The following INTS6 variants were observed in gnomAD, a reference collection of about 807,000 sequenced individuals.
INTS6 encodes the protein integrator complex subunit 6.
Under a neutral mutation model 104.9 loss-of-function variants are expected in INTS6, and 16 were observed. That is an observed-to-expected ratio of 0.15 (90% confidence interval 0.10 to 0.23). The LOEUF (loss-of-function observed/expected upper bound fraction) is 0.23. Ranked by LOEUF, INTS6 falls within the 10% of genes least tolerant of loss-of-function variation. INTS6 has a pLI of 1.00. For missense variants in INTS6, 584 were observed against 1,062.8 expected (o/e 0.55, Z 6.26); for synonymous variants, 324 against 358.7 (o/e 0.90, Z 1.09).
chr13:51,445,202 A>G (rs909748615), intron 3 of INTS6: 3 of 152,196 alleles, frequency 2.0e-5, no homozygotes, highest in African/African-American at 7.2e-5. Context: ...CTTATCTGCT[A>G]AATTATTTAA....
intron 3 of INTS6, chr13:51,446,197 T>C (rs1206146319): frequency 6.6e-6 from 1 of 152,078 alleles, no homozygotes; most frequent in Non-Finnish European, 1.5e-5. Flanking sequence ...CCAGAAAATA[T>C]AAAGAAATCC....
In INTS6 at chr13:51,365,002, T is replaced by C. The variant is rs1370541038; in HGVS notation, c.*750A>G. The C allele has an allele frequency of 6.6e-6, 1 of 152,524 alleles. No homozygotes were observed. The highest frequency in any genetic ancestry group is 2.4e-5 in the African/African-American group (1 of 41,440). The allele number at this position is 152,524 out of a possible 1,614,324, so 9.4% of individuals were successfully genotyped here. A position where few individuals can be genotyped will look rare whatever the true frequency, so the allele number is the denominator to read the frequency against. Reference sequence around the variant, plus strand: ...CCCATACAAAGTCATTCCCATAATCTAGGCAGAAATGGGAGTATGTTGGCA... The same window carrying C: ...CCCATACAAAGTCATTCCCATAATCCAGGCAGAAATGGGAGTATGTTGGCA... On this transcript the variant is annotated 3_prime_UTR_variant, in exon 18 of 18. Coordinates refer to ENST00000311234, the MANE Select transcript of INTS6 (RefSeq NM_012141.3).
chr13:51,349,935 T>A (rs1408312607), downstream of INTS6, among the ~76,000 whole-genome samples: 1 of 152,218 alleles, frequency 6.6e-6, no homozygotes, highest in East Asian at 1.9e-4. Flanking sequence ...TGTTTGTTTT[T>A]AAGCTAGCTT....
At chr13:51,426,533 A>G (rs1229847821) in intron 4 of INTS6, among the ~76,000 whole-genome samples, 2 of 152,044 alleles carry the variant, frequency 1.3e-5, no homozygotes, top group Admixed American at 6.6e-5. Flanking sequence ...ACGAAAGGTA[A>G]TATTAACCCT....
chr13:51,383,530 CAGCTTTTTA>C, intron 8 of INTS6, 50 bp downstream of exon 8: 6 of 1,603,140 alleles, frequency 3.7e-6, no homozygotes, highest in Non-Finnish European at 5.1e-6. Context: ...TGATTCAATT[CAGCTTTTTA>C]AGAAATGCCT....
At chr13:51,342,188 A>C in the INTS6 span, among the ~76,000 whole-genome samples, 1 of 151,016 alleles carries the variant, frequency 6.6e-6, no homozygotes, top group Non-Finnish European at 1.5e-5. Context: ...CAAAAAAAAA[A>C]AAAAAAAAAA....
Position 51,383,279 on chromosome 13 carries a change from G to C in INTS6, c.1180+50C>G, listed in dbSNP as rs770922865. Reference sequence around the variant, plus strand: ...AAAAACTACAAAGAAATGCGCTTTAGGAGAACTTTTATATGCTAAGCCAAG... The same window carrying C: ...AAAAACTACAAAGAAATGCGCTTTACGAGAACTTTTATATGCTAAGCCAAG... On this transcript the variant is annotated intron_variant, in intron 9 of 17. Transcript: ENST00000311234. 3.3e-6 allele frequency: 5 copies of C among 1,495,008 alleles called. No homozygotes were observed. In the Admixed American group the frequency reaches 8.8e-5, roughly 26 times the overall value. 92.6% of individuals were successfully genotyped at this position (1,495,008 alleles called of 1,614,324 possible). A position where few individuals can be genotyped will look rare whatever the true frequency, so the allele number is the denominator to read the frequency against.
At chr13:51,427,792 T>C (rs1957010572) in intron 4 of INTS6, among the ~76,000 whole-genome samples, 1 of 152,338 alleles carries the variant, frequency 6.6e-6, no homozygotes, top group Admixed American at 6.5e-5. Context: ...TTTAAAAATA[T>C]AGGCTCTGTT....
At chr13:51,410,778 C>G (rs1184164525) in intron 4 of INTS6, among the ~76,000 whole-genome samples, 1 of 152,040 alleles carries the variant, frequency 6.6e-6, no homozygotes, top group Non-Finnish European at 1.5e-5. Context: ...ATTTGAAAAA[C>G]ATATATCTAA....
In INTS6 at chr13:51,452,605, C is replaced by A; in HGVS notation, c.-80G>T. ...AGGTGGAGGCGCCGGTGGCGGCGAC[C>A]GCCGCTACGCGGGGCGGGGGAGCAC... On this transcript the variant is annotated 5_prime_UTR_variant, in exon 1 of 18. Transcript: ENST00000311234. This position sits in a 1 kb window ranked among gnomAD's most constrained non-coding sequence, Gnocchi z 4.2. 6.4e-7 allele frequency: 1 copy of A among 1,552,994 alleles called. No individual in the cohort carries two copies. Among genetic ancestry groups the A allele is most frequent in the Non-Finnish European group, 8.7e-7 (1 of 1,147,270 alleles).
chr13:51,422,494 T>G (rs1238306711), intron 4 of INTS6, among the ~76,000 whole-genome samples: 1 of 152,154 alleles, frequency 6.6e-6, no homozygotes. Context: ...ACAAATCATC[T>G]TTGAAAACCT....
the INTS6 span, chr13:51,341,242 G>A: frequency 6.2e-7 from 1 of 1,614,014 alleles, no homozygotes; most frequent in Non-Finnish European, 8.5e-7. Context: ...GACGAACTTT[G>A]TCATCTCTCC....
At chr13:51,375,775 G>A (rs567507299) in intron 13 of INTS6, among the ~76,000 whole-genome samples, 277 of 152,124 alleles carry the variant, frequency 1.8e-3, no homozygotes, top group African/African-American at 4.9e-3. Context: ...GTGCGCGCGC[G>A]TGCGCGCATG....
intron 4 of INTS6, among the ~76,000 whole-genome samples, chr13:51,400,838 G>A (rs114510996): frequency 1.7e-4 from 26 of 152,130 alleles, no homozygotes; most frequent in African/African-American, 5.3e-4. Context: ...ACACTGAGTA[G>A]GGGAACAAGG....
At chr13:51,348,591 C>A in the INTS6 span, 2 of 592,952 alleles carry the variant, frequency 3.4e-6, no homozygotes, top group South Asian at 2.1e-5. Context: ...CATTTCAGAG[C>A]CACTGCTGGC....
chr13:51,334,577 G>T, the INTS6 span, among the ~76,000 whole-genome samples: 1 of 152,102 alleles, frequency 6.6e-6, no homozygotes, highest in Non-Finnish European at 1.5e-5. Flanking sequence ...TTTTTTTGAG[G>T]CGCTTAATAA....
At chr13:51,393,074 A>ATTTT (rs368682215) in intron 5 of INTS6, among the ~76,000 whole-genome samples, 9 of 139,430 alleles carry the variant, frequency 6.5e-5, no homozygotes, top group Admixed American at 2.2e-4. Flanking sequence ...AAACAACTAA[A>ATTTT]TTTTTTTTTT....
At chr13:51,334,611 G>C in the INTS6 span, among the ~76,000 whole-genome samples, 2 of 152,076 alleles carry the variant, frequency 1.3e-5, no homozygotes, top group Non-Finnish European at 2.9e-5. Context: ...TTTATTTCGA[G>C]AATTAATAAA....
In INTS6 at chr13:51,421,087, G is replaced by A. The variant is rs561782386; in HGVS notation, c.429+9207C>T. On this transcript the variant is annotated intron_variant, in intron 4 of 17. Transcript: ENST00000311234. ...CCAACAAATAGTCATAGCCCCCAGAGAGAACTACACTCTACTCTGCTCACC... is the reference window on the plus strand; with the variant it reads ...CCAACAAATAGTCATAGCCCCCAGAAAGAACTACACTCTACTCTGCTCACC... The A allele has an allele frequency of 1.5e-5, 14 of 954,388 alleles. No homozygotes were observed. The East Asian group carries it at 9.2e-4, about 63-fold the overall frequency. The allele number at this position is 954,388 out of a possible 1,614,324, so 59.1% of individuals were successfully genotyped here.
Sources: gnomAD v4.1 joint callset for allele counts (sites outside exome capture counted in the v4.1 genomes callset) on GRCh38, gnomAD v4.1.1 for gene constraint, Gnocchi (gnomAD v3.1) non-coding constraint, MANE v1.5 for transcripts, NCBI Gene and HGNC (gene_info 2026-07-23, HGNC 2026-07-21) for gene names.